The following HDAC9 variants were observed in gnomAD, a reference collection of about 807,000 sequenced individuals.
HDAC9 encodes MEF-2 interacting transcription repressor (MITR) protein.
In HDAC9, 41 loss-of-function variants were observed where a neutral mutation model predicts 139.4. That is an observed-to-expected ratio of 0.29 (90% confidence interval 0.23 to 0.38). The LOEUF is 0.38. Ranked by LOEUF, HDAC9 falls within the 10% of genes least tolerant of loss-of-function variation. HDAC9 has a pLI of 1.00. For missense variants in HDAC9, 1,147 were observed against 1,297.0 expected, an observed-to-expected ratio of 0.88 and a Z score of 1.78; for synonymous variants, 517 against 476.2, an observed-to-expected ratio of 1.09 and a Z score of -1.12.
intron 11 of HDAC9, among the ~76,000 whole-genome samples, chr7:18,661,310 A>G (rs1215071058): frequency 1.3e-5 from 2 of 152,166 alleles, no homozygotes; most frequent in Non-Finnish European, 2.9e-5. Context: ...CAATTGGGTT[A>G]GATGGGAATA....
intron 12 of HDAC9, among the ~76,000 whole-genome samples, chr7:18,695,800 G>A (rs1440508986): frequency 2.0e-5 from 3 of 152,134 alleles, no homozygotes; most frequent in Admixed American, 6.5e-5. Flanking sequence ...ACCTAGAGAA[G>A]AGTGTCTCAG....
intron 1 of HDAC9, among the ~76,000 whole-genome samples, chr7:18,323,865 A>G (rs756562267): frequency 1.3e-5 from 2 of 152,110 alleles, no homozygotes; most frequent in African/African-American, 2.4e-5. Context: ...GGAGCTTGGG[A>G]AGTCAAAGAT....
intron 1 of HDAC9, among the ~76,000 whole-genome samples, chr7:18,404,282 A>G (rs1171001860): frequency 2.0e-5 from 3 of 152,226 alleles, no homozygotes; most frequent in African/African-American, 4.8e-5. Context: ...TGTAAGAGGC[A>G]TCCTGTCTTT....
At chr7:18,857,585 A>G (rs975155732) in intron 21 of HDAC9, among the ~76,000 whole-genome samples, 1 of 152,078 alleles carries the variant, frequency 6.6e-6, no homozygotes, top group Non-Finnish European at 1.5e-5. Context: ...AAAAAAATCA[A>G]TATCTGTATT....
chr7:18,497,247 C>G (rs1267997301), intron 2 of HDAC9, among the ~76,000 whole-genome samples: 1 of 152,150 alleles, frequency 6.6e-6, no homozygotes, highest in Non-Finnish European at 1.5e-5. Context: ...AAAGTTCTCA[C>G]TTAGATCCCA....
intron 1 of HDAC9, among the ~76,000 whole-genome samples, chr7:18,381,014 A>G (rs1439620840): frequency 6.6e-6 from 1 of 151,970 alleles, no homozygotes; most frequent in Non-Finnish European, 1.5e-5. Flanking sequence ...CCAGGCCAAC[A>G]TGGAGAAACC....
intron 2 of HDAC9, among the ~76,000 whole-genome samples, chr7:18,553,565 T>C (rs185856163): frequency 6.6e-6 from 1 of 152,294 alleles, no homozygotes; most frequent in East Asian, 1.9e-4. Context: ...ACATATTAGG[T>C]GTTAAGCTTC....
chr7:18,701,125 A>T (rs530050441), intron 12 of HDAC9, among the ~76,000 whole-genome samples: 1 of 150,576 alleles, frequency 6.6e-6, no homozygotes, highest in African/African-American at 2.5e-5. Flanking sequence ...TAGAATCAAT[A>T]AACCTGAATA....
At chr7:18,519,953 CA>C (rs1164543381) in intron 2 of HDAC9, among the ~76,000 whole-genome samples, 1 of 151,666 alleles carries the variant, frequency 6.6e-6, no homozygotes, top group Admixed American at 6.6e-5. Flanking sequence ...TTAATGAATG[CA>C]AAAAAATGTA....
chr7:18,475,133 A>G (rs956566384), intron 1 of HDAC9, among the ~76,000 whole-genome samples: 11 of 152,136 alleles, frequency 7.2e-5, no homozygotes, highest in Non-Finnish European at 1.0e-4. Context: ...CAGAGCTCGG[A>G]AGGATCTTGT....
intron 22 of HDAC9, among the ~76,000 whole-genome samples, chr7:18,883,107 T>A (rs1799852866): frequency 6.6e-6 from 1 of 152,282 alleles, no homozygotes; most frequent in Admixed American, 6.5e-5. Context: ...ACCTCAGTCA[T>A]TGCTTGCCTA....
chr7:18,605,749 C>A (rs183760812), intron 6 of HDAC9, among the ~76,000 whole-genome samples: 1 of 152,108 alleles, frequency 6.6e-6, no homozygotes, highest in African/African-American at 2.4e-5. Flanking sequence ...GGCATGATCT[C>A]GGCTCACTGC....
chr7:18,855,942 C>T (rs75509848), intron 21 of HDAC9, among the ~76,000 whole-genome samples: 3,466 of 152,200 alleles, frequency 0.023, 55 homozygotes, highest in Middle Eastern at 0.037. Flanking sequence ...GTAAGCATTA[C>T]AGCCTTTTAC....
chr7:18,723,289 T>C (rs943587721), intron 12 of HDAC9, among the ~76,000 whole-genome samples: 1 of 152,196 alleles, frequency 6.6e-6, no homozygotes, highest in Non-Finnish European at 1.5e-5. Context: ...AAGCCCACTA[T>C]GTGTGAAACA....
At chr7:18,923,366 G>A (rs1803929622) in intron 22 of HDAC9, among the ~76,000 whole-genome samples, 1 of 152,122 alleles carries the variant, frequency 6.6e-6, no homozygotes. Flanking sequence ...GGTTTGAAAA[G>A]TAGTTGCCTA....
Position 18,668,531 on chromosome 7 carries a change from C to CA in HDAC9, c.1731+2063dup, listed in dbSNP as rs201375370. On this transcript the variant is annotated intron_variant, in intron 12 of 25. Coordinates refer to ENST00000686413, the MANE Select transcript of HDAC9 (RefSeq NM_178425.4). The stretch of plus-strand genomic sequence containing the variant: ...TACTTCAAAGATATGTAATCACAAA[C>CA]AAAAAAAACTATTTTTTATAATGTC... The CA allele has an allele frequency of 9.8e-3, 9,622 of 977,676 alleles. 67 individuals carry two copies. The highest frequency in any genetic ancestry group is 0.01 in the Non-Finnish European group (8,593 of 823,380). The allele number at this position is 977,676 out of a possible 1,614,324, so 60.6% of individuals were successfully genotyped here.
chr7:18,133,856 C>CT (rs1411600255), intron 1 of HDAC9, among the ~76,000 whole-genome samples: 2 of 151,758 alleles, frequency 1.3e-5, no homozygotes, highest in Admixed American at 6.6e-5. Context: ...TTACATTTTA[C>CT]TTTCTTATTT....
intron 1 of HDAC9, among the ~76,000 whole-genome samples, chr7:18,361,797 C>A (rs576041010): frequency 1.3e-5 from 2 of 151,560 alleles, no homozygotes; most frequent in South Asian, 2.1e-4. Context: ...TGTATTATTT[C>A]GTTTATTGCA....
At chr7:18,324,024 A>G (rs1325331083) in intron 1 of HDAC9, among the ~76,000 whole-genome samples, 11 of 151,414 alleles carry the variant, frequency 7.3e-5, no homozygotes, top group Admixed American at 6.6e-4. Context: ...AACCTCATTC[A>G]TAAGTCTCAG....
Sources: gnomAD v4.1 joint callset for allele counts (sites outside exome capture counted in the v4.1 genomes callset) on GRCh38, gnomAD v4.1.1 for gene constraint, MANE v1.5 for transcripts, NCBI Gene and HGNC (gene_info 2026-07-23, HGNC 2026-07-21) for gene names.